NRXN3: variants seen among roughly 807,000 people sequenced by gnomAD.
The protein encoded by NRXN3 is neurexin 3.
In NRXN3, 32 loss-of-function variants were observed where a neutral mutation model predicts 137.6. The ratio of observed to expected loss-of-function variants is 0.23; its 90% CI spans 0.18 to 0.31. The LOEUF (loss-of-function observed/expected upper bound fraction) is 0.31, where lower values mean the gene tolerates loss of function less well. Ranked by LOEUF, NRXN3 falls within the 10% of genes least tolerant of loss-of-function variation. The pLI is 1.00. For missense variants in NRXN3, 1,574 were observed against 2,062.5 expected, an observed-to-expected ratio of 0.76 and a Z score of 4.59; for synonymous variants, 798 against 784.5, an observed-to-expected ratio of 1.02 and a Z score of -0.29.
In NRXN3 at chr14:78,614,604, A is replaced by G. The variant is rs554585583; in HGVS notation, c.758-30516A>G. ...CCTGTGGGCTCTTAAAGGTTGAATC[A>G]TTCCTCCATGGACTTCACATTTCAA... On this transcript the variant is annotated intron_variant, in intron 4 of 20. Transcript: ENST00000335750. Among the ~76,000 whole-genome samples, 6 of 152,244 alleles carry G rather than the reference A, an allele frequency of 3.9e-5. No individual in the cohort carries two copies. The East Asian group carries it at 7.7e-4, about 20-fold the overall frequency.
chr14:79,353,607 G>A (rs1490438672), intron 15 of NRXN3, among the ~76,000 whole-genome samples: 2 of 152,126 alleles, frequency 1.3e-5, no homozygotes, highest in African/African-American at 2.4e-5. Context: ...CTATCCAACA[G>A]GCTATGAAAT....
chr14:78,385,153 A>G (rs1228417225), intron 4 of NRXN3, among the ~76,000 whole-genome samples: 6 of 152,180 alleles, frequency 3.9e-5, no homozygotes, highest in Non-Finnish European at 7.3e-5. Context: ...TATATATGTC[A>G]TGTGGTTTCA....
chr14:78,971,755 C>A (rs2099441882), intron 14 of NRXN3, among the ~76,000 whole-genome samples: 1 of 152,076 alleles, frequency 6.6e-6, no homozygotes, highest in African/African-American at 2.4e-5. Flanking sequence ...GCTGCCTCAG[C>A]CTCCCAAGTA....
chr14:79,591,800 T>G (rs1567597753), intron 16 of NRXN3, among the ~76,000 whole-genome samples: 1 of 152,226 alleles, frequency 6.6e-6, no homozygotes, highest in Non-Finnish European at 1.5e-5. Flanking sequence ...TTCCTCTTCT[T>G]TCTGTAGAAA....
chr14:78,745,938 C>A (rs1207516119), intron 8 of NRXN3, among the ~76,000 whole-genome samples: 1 of 152,148 alleles, frequency 6.6e-6, no homozygotes, highest in Non-Finnish European at 1.5e-5. Flanking sequence ...GTAAGAATGG[C>A]TATAATTACC....
rs549437521 is a variant in NRXN3, at chr14:79,398,813, C to T, written c.3263-68408C>T. 2.4e-4 allele frequency among the ~76,000 whole-genome samples: 37 copies of T among 151,916 alleles called. 1 individual carries two copies. The highest frequency in any genetic ancestry group is 8.7e-4 in the African/African-American group (36 of 41,444). ...TCACCTGAGGTCAGGAGTTCAAGACCAGCCTGGCCAAAATGGTGAAACCCT... is the reference window on the plus strand; with the variant it reads ...TCACCTGAGGTCAGGAGTTCAAGACTAGCCTGGCCAAAATGGTGAAACCCT... On this transcript the variant is annotated intron_variant, in intron 15 of 20. Transcript: ENST00000335750.
At chr14:79,127,100 G>A (rs892425660) in intron 15 of NRXN3, among the ~76,000 whole-genome samples, 20 of 152,052 alleles carry the variant, frequency 1.3e-4, no homozygotes, top group South Asian at 4.2e-4. Flanking sequence ...AGTAGGTTGC[G>A]AAAATTTTCT....
At chr14:79,088,450 T>A (rs2048541034) in intron 15 of NRXN3, among the ~76,000 whole-genome samples, 1 of 142,858 alleles carries the variant, frequency 7.0e-6, no homozygotes. Flanking sequence ...GTTTGAACAC[T>A]TTTAAAGGCC....
intron 16 of NRXN3, among the ~76,000 whole-genome samples, chr14:79,495,959 A>C (rs946145041): frequency 6.6e-6 from 1 of 151,442 alleles, no homozygotes; most frequent in Admixed American, 6.6e-5. Context: ...AAAAAAAAAA[A>C]CAAAAAACAA....
intron 19 of NRXN3, among the ~76,000 whole-genome samples, chr14:79,796,222 T>G (rs1603515458): frequency 6.6e-6 from 1 of 152,328 alleles, no homozygotes; most frequent in East Asian, 1.9e-4. Flanking sequence ...TGATTTTATT[T>G]ATTTTATTTT....
At chr14:79,631,979 C>T (rs369959405) in intron 16 of NRXN3, among the ~76,000 whole-genome samples, 15 of 152,224 alleles carry the variant, frequency 9.9e-5, no homozygotes, top group African/African-American at 2.9e-4. Context: ...AGCAGGAGGT[C>T]GGTAGGGCCA....
intron 15 of NRXN3, among the ~76,000 whole-genome samples, chr14:79,375,976 A>C (rs1356093650): frequency 6.6e-6 from 1 of 150,378 alleles, no homozygotes; most frequent in Non-Finnish European, 1.5e-5. Context: ...GCATGGTTGA[A>C]AGAAGAAATC....
intron 6 of NRXN3, among the ~76,000 whole-genome samples, chr14:78,658,545 C>A (rs1034855379): frequency 3.3e-5 from 5 of 152,086 alleles, no homozygotes; most frequent in Non-Finnish European, 7.4e-5. Context: ...TTAGGAGAGT[C>A]CAATGTAGTT....
intron 19 of NRXN3, among the ~76,000 whole-genome samples, chr14:79,786,249 A>C (rs1247807439): frequency 1.3e-5 from 2 of 152,192 alleles, no homozygotes; most frequent in African/African-American, 4.8e-5. Context: ...AGGGATCTGA[A>C]TAAGTACTAG....
At chr14:79,527,202 G>A (rs1430872984) in intron 16 of NRXN3, among the ~76,000 whole-genome samples, 1 of 147,312 alleles carries the variant, frequency 6.8e-6, no homozygotes, top group Non-Finnish European at 1.5e-5. Context: ...GCTGAGGCAG[G>A]AGAATCATTT....
chr14:79,179,085 T>C (rs1308059604), intron 15 of NRXN3, among the ~76,000 whole-genome samples: 1 of 152,238 alleles, frequency 6.6e-6, no homozygotes, highest in Non-Finnish European at 1.5e-5. Flanking sequence ...TTCTTGCATC[T>C]GCTGATAGCA....
At chr14:79,423,587 G>A (rs572321788) in intron 15 of NRXN3, among the ~76,000 whole-genome samples, 2 of 152,342 alleles carry the variant, frequency 1.3e-5, no homozygotes, top group South Asian at 4.1e-4. Context: ...CTGCTTTAAT[G>A]TGAATTGCAT....
chr14:79,462,635 A>G (rs1423233544), intron 15 of NRXN3, among the ~76,000 whole-genome samples: 2 of 151,342 alleles, frequency 1.3e-5, no homozygotes, highest in Non-Finnish European at 2.9e-5. Context: ...ACATACATAT[A>G]TTCACATATA....
intron 19 of NRXN3, among the ~76,000 whole-genome samples, chr14:79,798,216 A>G (rs1227014300): frequency 6.6e-6 from 1 of 152,210 alleles, no homozygotes; most frequent in African/African-American, 2.4e-5. Flanking sequence ...ATTTAAAAAA[A>G]AGGTCAAACT....
Sources: gnomAD v4.1 joint callset for allele counts (sites outside exome capture counted in the v4.1 genomes callset) on GRCh38, gnomAD v4.1.1 for gene constraint, MANE v1.5 for transcripts, NCBI Gene and HGNC (gene_info 2026-07-23, HGNC 2026-07-21) for gene names.